The following MREG variants were observed in gnomAD, a reference collection of about 807,000 sequenced individuals.
MREG encodes the protein dilute suppressor protein homolog.
A neutral mutation model predicts 28.5 loss-of-function variants in MREG; 31 were observed. That is an observed-to-expected ratio of 1.09 (90% CI 0.82 to 1.47). MREG has a LOEUF of 1.47. Ranked by LOEUF, MREG falls within the 40% of genes most tolerant of loss-of-function variation. The pLI, the probability that MREG is intolerant of heterozygous loss-of-function variation, is 0.00. For missense variants in MREG, 256 were observed against 257.4 expected (o/e 0.99, Z 0.04); for synonymous variants, 106 against 95.2 (o/e 1.11, Z -0.66).
chr2:216,000,189 A>G (rs745796799), intron 1 of MREG, among the ~76,000 whole-genome samples: 44 of 152,204 alleles, frequency 2.9e-4, no homozygotes, highest in Non-Finnish European at 5.4e-4. Flanking sequence ...GCATTGGCCT[A>G]CTTTGCAGAT....
At chr2:215,975,763 A>G (rs753028383) in intron 2 of MREG, among the ~76,000 whole-genome samples, 1 of 152,166 alleles carries the variant, frequency 6.6e-6, no homozygotes, top group Non-Finnish European at 1.5e-5. Context: ...AACAGAGATG[A>G]TATCATTATT....
intron 2 of MREG, among the ~76,000 whole-genome samples, chr2:215,967,545 A>G (rs774788075): frequency 2.6e-5 from 4 of 152,254 alleles, no homozygotes; most frequent in Non-Finnish European, 5.9e-5. Context: ...CTTCCAAAGT[A>G]TCATAAATCA....
At chr2:216,008,333 T>C (rs914035281) in intron 1 of MREG, among the ~76,000 whole-genome samples, 1 of 152,190 alleles carries the variant, frequency 6.6e-6, no homozygotes, top group African/African-American at 2.4e-5. Context: ...AAAATTCAAT[T>C]TGTAACAATT....
chr2:215,954,465 C>CACACAT (rs1692569829), intron 2 of MREG, among the ~76,000 whole-genome samples: 1 of 151,566 alleles, frequency 6.6e-6, no homozygotes, highest in Non-Finnish European at 1.5e-5. Context: ...CACACACACA[C>CACACAT]ACACACACAC....
At chr2:215,958,057 G>A (rs994111210) in intron 2 of MREG, among the ~76,000 whole-genome samples, 3 of 149,222 alleles carry the variant, frequency 2.0e-5, no homozygotes, top group Non-Finnish European at 4.4e-5. Context: ...AATGAACAAT[G>A]AGAACACATG....
At chr2:215,940,994 T>C (rs977504642), downstream of MREG, among the ~76,000 whole-genome samples, 1 of 152,218 alleles carries the variant, frequency 6.6e-6, no homozygotes, top group African/African-American at 2.4e-5. Context: ...CTTAGTCTAT[T>C]CTAGCCAAGG....
At chr2:215,946,621 C>A (rs547525113) in intron 3 of MREG, among the ~76,000 whole-genome samples, 1 of 152,300 alleles carries the variant, frequency 6.6e-6, no homozygotes, top group Non-Finnish European at 1.5e-5. Context: ...AAATTCTACA[C>A]TGAGTTTTGC....
chr2:215,993,067 TAAATTTCATATGGAACCAAATAAG>T (rs1693763786), intron 2 of MREG, among the ~76,000 whole-genome samples: 1 of 152,178 alleles, frequency 6.6e-6, no homozygotes, highest in Admixed American at 6.5e-5. Context: ...AAAACTACTT[TAAATTTCATATGGAACCAAATAAG>T]AGCCCGTATA....
At chr2:215,964,856 T>C (rs967744828) in intron 2 of MREG, among the ~76,000 whole-genome samples, 1 of 131,646 alleles carries the variant, frequency 7.6e-6, no homozygotes, top group South Asian at 2.5e-4. Flanking sequence ...GATAGATAGA[T>C]AGATAGATAG....
intron 2 of MREG, among the ~76,000 whole-genome samples, chr2:215,963,275 A>G (rs1339030630): frequency 1.3e-5 from 2 of 151,914 alleles, no homozygotes; most frequent in South Asian, 4.2e-4. Flanking sequence ...CCTGGGCAAC[A>G]TGGTGAAAAC....
intron 2 of MREG, among the ~76,000 whole-genome samples, chr2:215,984,095 G>A (rs1190626767): frequency 6.6e-6 from 1 of 152,164 alleles, no homozygotes; most frequent in Admixed American, 6.5e-5. Context: ...TCACAATCAT[G>A]GCAGAAGGCA....
chr2:215,959,951 A>G lies in MREG; in HGVS notation c.256-12838T>C, dbSNP rs917254407. ...AAATTGTTGTAGAGTTACTGACTGT[A>G]TAGATACTCCTTTTTTTTTTTTGAG... On this transcript the variant is annotated intron_variant, in intron 2 of 4. Coordinates refer to ENST00000263268, the MANE Select transcript of MREG (RefSeq NM_018000.3). Among the ~76,000 whole-genome samples the G allele has an allele frequency of 3.5e-5, 5 of 141,934 alleles. No individual in the cohort carries two copies. The East Asian group carries it at 8.3e-4, about 24-fold the overall frequency. The allele number at this position is 141,934 out of a possible 152,430, so 93.1% of individuals were successfully genotyped here.
chr2:216,011,349 C>A (rs1694303452), intron 1 of MREG, among the ~76,000 whole-genome samples: 1 of 152,182 alleles, frequency 6.6e-6, no homozygotes, highest in African/African-American at 2.4e-5. Flanking sequence ...CACCAAACCA[C>A]ATGAGACCAG....
intron 1 of MREG, among the ~76,000 whole-genome samples, chr2:216,030,384 C>T (rs538832420): frequency 3.9e-5 from 6 of 152,160 alleles, no homozygotes; most frequent in African/African-American, 1.2e-4. Flanking sequence ...GTTTCTTGAC[C>T]TGTTCATGCC....
rs537870196 is a variant in MREG, at chr2:215,964,311, C to A, written c.256-17198G>T. On this transcript the variant is annotated intron_variant, in intron 2 of 4. Coordinates refer to ENST00000263268, the MANE Select transcript of MREG (RefSeq NM_018000.3). ...CCAGCCTGGCCAACATGGTGAAACC[C>A]TGTCTCTACTAAAAATACAAAAATT... Among the ~76,000 whole-genome samples, 26 of 152,154 alleles carry A rather than the reference C, an allele frequency of 1.7e-4. 1 individual carries two copies. In the South Asian group the frequency reaches 5.4e-3, roughly 32 times the overall value.
rs570386971 is a variant in MREG, at chr2:215,955,627, A to T, written c.256-8514T>A. On this transcript the variant is annotated intron_variant, in intron 2 of 4. Coordinates refer to ENST00000263268, the MANE Select transcript of MREG (RefSeq NM_018000.3). Reference sequence around the variant, plus strand: ...CGATGACTGTTGTCTCTTTCCTTTCAGTTCGCACCAATTGACATCATCTTA... The same window carrying T: ...CGATGACTGTTGTCTCTTTCCTTTCTGTTCGCACCAATTGACATCATCTTA... Among the ~76,000 whole-genome samples, 7 of 152,342 alleles carry T rather than the reference A, an allele frequency of 4.6e-5. No individual in the cohort carries two copies. The East Asian group carries it at 1.4e-3, about 29-fold the overall frequency.
At chr2:215,953,825 C>A (rs372684538) in intron 2 of MREG, among the ~76,000 whole-genome samples, 3 of 152,188 alleles carry the variant, frequency 2.0e-5, no homozygotes, top group African/African-American at 7.2e-5. Flanking sequence ...TGTTGTAAAG[C>A]CCACTCATTG....
At chr2:216,004,564 CAA>C (rs5838561) in intron 1 of MREG, among the ~76,000 whole-genome samples, 9 of 146,218 alleles carry the variant, frequency 6.2e-5, no homozygotes, top group African/African-American at 7.7e-5. Flanking sequence ...AAAAAACAAA[CAA>C]AAAAAAAAAA....
intron 1 of MREG, among the ~76,000 whole-genome samples, chr2:216,020,142 C>G (rs1467683078): frequency 6.6e-6 from 1 of 152,116 alleles, no homozygotes; most frequent in Admixed American, 6.5e-5. Context: ...TGTTGCGTGT[C>G]CAACACCTTT....
Sources: gnomAD v4.1 joint callset for allele counts (sites outside exome capture counted in the v4.1 genomes callset) on GRCh38, gnomAD v4.1.1 for gene constraint, MANE v1.5 for transcripts, NCBI Gene and HGNC (gene_info 2026-07-23, HGNC 2026-07-21) for gene names.